EMILIN2: variants seen among roughly 807,000 people sequenced by gnomAD.
EMILIN2 encodes the protein EMILIN-2.
In EMILIN2, 71 loss-of-function variants were observed where a neutral mutation model predicts 87.1. The observed-to-expected ratio is 0.82, with a 90% CI of 0.67 to 0.99. The LOEUF (loss-of-function observed/expected upper bound fraction) is 0.99, where lower values mean the gene tolerates loss of function less well. EMILIN2 is among the 50% of genes least tolerant of loss of function. The probability of loss-of-function intolerance (pLI) is 0.00; values close to 1 mark genes in which losing one functional copy is unlikely to be tolerated. For missense variants in EMILIN2, 1,407 were observed against 1,371.8 expected, an observed-to-expected ratio of 1.03 and a Z score of -0.40; for synonymous variants, 581 against 563.4, an observed-to-expected ratio of 1.03 and a Z score of -0.44.
chr18:2,854,767 G>A (rs141962837), intron 2 of EMILIN2, among the ~76,000 whole-genome samples: 41 of 152,230 alleles, frequency 2.7e-4, no homozygotes, highest in East Asian at 5.8e-4. Flanking sequence ...GCACTGAGGC[G>A]TGGATGACAG....
chr18:2,907,192 G>T lies in EMILIN2; in HGVS notation c.2662+107G>T, dbSNP rs2076918778. 9 of 1,151,326 alleles carry T rather than the reference G, an allele frequency of 7.8e-6. 1 individual carries two copies. The South Asian group carries it at 3.0e-4, about 39-fold the overall frequency. The allele number at this position is 1,151,326 out of a possible 1,614,324, so 71.3% of individuals were successfully genotyped here. On this transcript the variant is annotated intron_variant, in intron 5 of 7. Coordinates refer to ENST00000254528, the MANE Select transcript of EMILIN2 (RefSeq NM_032048.3). ...GGCGGTTCGGGGTCCAGCCTTCGGGGGGGCAAGTTCCGAAATGCAGCTTTG... is the reference window on the plus strand; with the variant it reads ...GGCGGTTCGGGGTCCAGCCTTCGGGTGGGCAAGTTCCGAAATGCAGCTTTG...
At position 2,847,341 on chromosome 18, in the gene EMILIN2, G is replaced by A; in HGVS notation, c.134+19G>A. 1 of 1,304,824 alleles carries A rather than the reference G, an allele frequency of 7.7e-7. No individual in the cohort carries two copies. The allele number at this position is 1,304,824 out of a possible 1,614,324, so 80.8% of individuals were successfully genotyped here. On this transcript the variant is annotated intron_variant, in intron 1 of 7. Transcript: ENST00000254528. The surrounding 1 kb of genome is among the most constrained non-coding windows in gnomAD (Gnocchi z 4.5). ...GGAACAAGTAAGTGCGCGCCCCTTG[G>A]CTGGCCCCAAACCGCCTACCCCTCC... is the stretch of plus-strand genomic sequence containing the variant.
At chr18:2,853,551 G>A (rs180981204) in intron 2 of EMILIN2, among the ~76,000 whole-genome samples, 10 of 152,160 alleles carry the variant, frequency 6.6e-5, no homozygotes, top group Non-Finnish European at 1.0e-4. Context: ...AAAGTGCATC[G>A]TGAGAATGTG....
At chr18:2,900,080 G>C (rs2076881717) in intron 4 of EMILIN2, among the ~76,000 whole-genome samples, 1 of 151,790 alleles carries the variant, frequency 6.6e-6, no homozygotes, top group Non-Finnish European at 1.5e-5. Context: ...GTGTCAATAT[G>C]GTCCCTTCTG....
At chr18:2,909,975 G>C (rs1011364865) in intron 7 of EMILIN2, among the ~76,000 whole-genome samples, 156 bp downstream of exon 7, 1 of 152,238 alleles carries the variant, frequency 6.6e-6, no homozygotes, top group Non-Finnish European at 1.5e-5. Context: ...TCCTCTGCCC[G>C]ACTCTGTGGG....
chr18:2,905,642 T>TA (rs2076906899), intron 4 of EMILIN2, among the ~76,000 whole-genome samples: 1 of 151,954 alleles, frequency 6.6e-6, no homozygotes, highest in South Asian at 2.1e-4. Context: ...CTCCCCAGCT[T>TA]AGTGAGGCTG....
intron 2 of EMILIN2, among the ~76,000 whole-genome samples, chr18:2,873,967 A>G (rs1380025965): frequency 1.3e-5 from 2 of 152,126 alleles, no homozygotes; most frequent in Non-Finnish European, 2.9e-5. Flanking sequence ...AAGTTCTCCA[A>G]TAGAAGTACA....
In EMILIN2 at chr18:2,891,352, A is replaced by T. The variant is rs1249092358; in HGVS notation, c.1225A>T (p.Ile409Phe). The stretch of plus-strand genomic sequence containing the variant: ...AAAGAATGGTGACATTGGTCAACAG[A>T]TCAAGACATTGGACCAGAAAATCGA... ...SEKNGDIGQQIKTLDQKIERV... is the reference protein window; with the variant it reads ...SEKNGDIGQQFKTLDQKIERV... Residue 409 changes from isoleucine to phenylalanine, a missense_variant, in exon 4 of 8, where the codon ATC (isoleucine) becomes TTC (phenylalanine). Transcript: ENST00000254528. The surrounding 1 kb of genome is among the most constrained non-coding windows in gnomAD (Gnocchi z 4.6). 14 of 1,614,254 alleles carry T rather than the reference A, an allele frequency of 8.7e-6. No homozygotes were observed. Among genetic ancestry groups the T allele is most frequent in the Non-Finnish European group, 9.3e-6 (11 of 1,180,046 alleles).
chr18:2,893,906 G>C (rs1290159318), intron 4 of EMILIN2, among the ~76,000 whole-genome samples: 1 of 152,210 alleles, frequency 6.6e-6, no homozygotes, highest in Non-Finnish European at 1.5e-5. Context: ...ATGACTGTGT[G>C]TCTCCCAGAA....
At position 2,847,746 on chromosome 18, in the gene EMILIN2, C is replaced by T. The variant is rs2289686; in HGVS notation, c.135-63C>T. ...CGGTCTGGTGCCGCAGTCCCCTCTC[C>T]CCTGGCCTCATTGTTCTCCGGGTTT... On this transcript the variant is annotated intron_variant, in intron 1 of 7. Transcript: ENST00000254528. This position sits in a 1 kb window ranked among gnomAD's most constrained non-coding sequence, Gnocchi z 4.5. 272,053 of 1,586,108 alleles carry T rather than the reference C, an allele frequency of 0.17. 25,207 individuals carry two copies. Among genetic ancestry groups the T allele is most frequent in the East Asian group, 0.3 (13,410 of 44,434 alleles).
chr18:2,902,794 A>G (rs2076893689), intron 4 of EMILIN2, among the ~76,000 whole-genome samples: 1 of 152,194 alleles, frequency 6.6e-6, no homozygotes, highest in Non-Finnish European at 1.5e-5. Context: ...TTTCCAAATT[A>G]GAATCAGCTG....
chr18:2,881,113 G>T (rs1456261249), intron 2 of EMILIN2, among the ~76,000 whole-genome samples: 1 of 152,098 alleles, frequency 6.6e-6, no homozygotes. Context: ...TTTGGGATTG[G>T]ACAACCCTTT....
chr18:2,913,509 A>C lies in EMILIN2; in HGVS notation c.*105A>C. 1.1e-6 allele frequency: 1 copy of C among 911,038 alleles called. No individual in the cohort carries two copies. The allele number at this position is 911,038 out of a possible 1,614,324, so 56.4% of individuals were successfully genotyped here. On this transcript the variant is annotated 3_prime_UTR_variant, in exon 8 of 8. Transcript: ENST00000254528. ...GGAAGCACGGGGCTAGAGTTTCCACATAGGCCCCAACATAAAGGCCTTCCC... is the reference window on the plus strand; with the variant it reads ...GGAAGCACGGGGCTAGAGTTTCCACCTAGGCCCCAACATAAAGGCCTTCCC...
intron 4 of EMILIN2, among the ~76,000 whole-genome samples, chr18:2,901,122 C>T (rs551589452): frequency 1.3e-5 from 2 of 152,320 alleles, no homozygotes; most frequent in East Asian, 3.9e-4. Flanking sequence ...AGGTTGAGCC[C>T]GTTGCATGGA....
intron 2 of EMILIN2, among the ~76,000 whole-genome samples, chr18:2,884,536 G>A (rs1277039320): frequency 6.6e-6 from 1 of 152,252 alleles, no homozygotes; most frequent in Non-Finnish European, 1.5e-5. Flanking sequence ...ATGAGCCACT[G>A]TGCCCGGCCA....
chr18:2,898,267 C>G (rs1040238764), intron 4 of EMILIN2, among the ~76,000 whole-genome samples: 1 of 152,248 alleles, frequency 6.6e-6, no homozygotes, highest in South Asian at 2.1e-4. Context: ...ACTGGGTGAC[C>G]AGCAGAGGCT....
chr18:2,887,683 CTG>C (rs1409230365), intron 3 of EMILIN2, among the ~76,000 whole-genome samples: 1 of 152,218 alleles, frequency 6.6e-6, no homozygotes, highest in Non-Finnish European at 1.5e-5. Context: ...GCCTACAAAA[CTG>C]TGAGCCAAAT....
At position 2,868,352 on chromosome 18, in the gene EMILIN2, C is replaced by CACTCA. The variant is rs2076700337; in HGVS notation, c.258-16612_258-16611insACTCA. 5.9e-5 allele frequency among the ~76,000 whole-genome samples: 9 copies of CACTCA among 152,186 alleles called. No individual in the cohort carries two copies. The South Asian group carries it at 1.7e-3, about 28-fold the overall frequency. On this transcript the variant is annotated intron_variant, in intron 2 of 7. Transcript: ENST00000254528. Reference sequence around the variant, plus strand: ...GCAGAGGGGCTCCTCACATCCCAGACGATGGGCGGCCACGCAGAGACACTC... The same window carrying CACTCA: ...GCAGAGGGGCTCCTCACATCCCAGACACTCAGATGGGCGGCCACGCAGAGACACTC...
chr18:2,912,602 A>G (rs2076946599), intron 7 of EMILIN2, among the ~76,000 whole-genome samples: 1 of 152,100 alleles, frequency 6.6e-6, no homozygotes, highest in African/African-American at 2.4e-5. Context: ...CGTGTGGGTC[A>G]TGGGCTGAGT....
Sources: gnomAD v4.1 joint callset for allele counts (sites outside exome capture counted in the v4.1 genomes callset) on GRCh38, gnomAD v4.1.1 for gene constraint, Gnocchi (gnomAD v3.1) non-coding constraint, MANE v1.5 for transcripts, NCBI Gene and HGNC (gene_info 2026-07-23, HGNC 2026-07-21) for gene names.